NRXN3: variants seen among roughly 807,000 people sequenced by gnomAD.
NRXN3 encodes the protein neurexin III.
NRXN3 carries 32 observed loss-of-function variants against 137.6 expected under a neutral mutation model. The observed-to-expected ratio is 0.23, with a 90% CI of 0.18 to 0.31. NRXN3 has a LOEUF of 0.31. NRXN3 is among the 10% of genes least tolerant of loss of function. NRXN3 has a pLI of 1.00. For synonymous variants in NRXN3, 798 were observed against 784.5 expected (o/e 1.02, Z -0.29); for missense variants, 1,574 against 2,062.5 (o/e 0.76, Z 4.59).
chr14:79,101,498 T>A (rs751994430), intron 15 of NRXN3, among the ~76,000 whole-genome samples: 9 of 152,080 alleles, frequency 5.9e-5, no homozygotes, highest in African/African-American at 1.2e-4. Flanking sequence ...TTTCTGTGGG[T>A]CTTTTGGCTG....
rs573072578 is a variant in NRXN3, at chr14:79,749,964, A to G, written c.4014+52027A>G. Among the ~76,000 whole-genome samples the G allele has an allele frequency of 5.3e-5, 8 of 152,300 alleles. No homozygotes were observed. In the South Asian group the frequency reaches 1.2e-3, roughly 24 times the overall value. ...ACATTGTCTGAGCACACAGAATTCT[A>G]ACTCATGACTTGTGCACTGTCAAGA... On this transcript the variant is annotated intron_variant, in intron 19 of 20. Coordinates refer to ENST00000335750, the MANE Select transcript of NRXN3 (RefSeq NM_001330195.2).
intron 16 of NRXN3, among the ~76,000 whole-genome samples, chr14:79,496,486 T>C (rs1489101656): frequency 2.0e-5 from 3 of 152,110 alleles, no homozygotes; most frequent in African/African-American, 7.2e-5. Flanking sequence ...TAGTCATTCT[T>C]GGTGAATTGG....
intron 4 of NRXN3, among the ~76,000 whole-genome samples, chr14:78,606,315 AT>A (rs113866624): frequency 2.0e-5 from 3 of 152,014 alleles, no homozygotes; most frequent in African/African-American, 7.2e-5. Context: ...CTCATCTGAC[AT>A]TTTTTTTAGT....
intron 5 of NRXN3, among the ~76,000 whole-genome samples, chr14:78,650,955 G>T (rs1255015540): frequency 6.6e-6 from 1 of 152,198 alleles, no homozygotes; most frequent in Non-Finnish European, 1.5e-5. Context: ...TCATCCATGA[G>T]TCTGCAGGGA....
intron 1 of NRXN3, among the ~76,000 whole-genome samples, chr14:78,190,632 T>C (rs2060628572): frequency 1.9e-5 from 2 of 104,140 alleles, no homozygotes; most frequent in Non-Finnish European, 1.9e-5. Flanking sequence ...TATTTATTTA[T>C]TTATTTATTT....
At chr14:78,603,330 G>A (rs1566864650) in intron 4 of NRXN3, among the ~76,000 whole-genome samples, 2 of 152,224 alleles carry the variant, frequency 1.3e-5, no homozygotes, top group East Asian at 3.9e-4. Flanking sequence ...TTTTTCTTGA[G>A]GTTTGCAATC....
At chr14:78,272,044 G>A (rs1460695456) in intron 2 of NRXN3, among the ~76,000 whole-genome samples, 1 of 152,138 alleles carries the variant, frequency 6.6e-6, no homozygotes, top group Non-Finnish European at 1.5e-5. Context: ...TTTCCTGGGG[G>A]CAGGAGTCAA....
chr14:78,323,198 G>C (rs1337419146), intron 4 of NRXN3, among the ~76,000 whole-genome samples: 1 of 152,066 alleles, frequency 6.6e-6, no homozygotes, highest in East Asian at 1.9e-4. Flanking sequence ...CTACGAACAT[G>C]ATAAAAGTAT....
chr14:79,109,836 C>CT (rs2053155466), intron 15 of NRXN3, among the ~76,000 whole-genome samples: 1 of 152,084 alleles, frequency 6.6e-6, no homozygotes, highest in South Asian at 2.1e-4. Context: ...ATTGGCCTAC[C>CT]TTCCCAGTAC....
chr14:78,876,290 A>G (rs2099113667), intron 10 of NRXN3, among the ~76,000 whole-genome samples: 1 of 152,206 alleles, frequency 6.6e-6, no homozygotes, highest in Non-Finnish European at 1.5e-5. Context: ...TGTGCCATGG[A>G]CTTAACTTGA....
intron 1 of NRXN3, among the ~76,000 whole-genome samples, chr14:78,230,775 T>A (rs907227804): frequency 6.6e-6 from 1 of 152,092 alleles, no homozygotes; most frequent in Non-Finnish European, 1.5e-5. Flanking sequence ...GAAAGGTGGC[T>A]GGTGTCAGAC....
intron 10 of NRXN3, among the ~76,000 whole-genome samples, chr14:78,890,539 C>T (rs542159992): frequency 1.3e-5 from 2 of 151,778 alleles, no homozygotes; most frequent in African/African-American, 4.8e-5. Context: ...TATCTTCCTG[C>T]CCACACTGGG....
chr14:79,793,775 A>G (rs2099152785), intron 19 of NRXN3, among the ~76,000 whole-genome samples: 1 of 152,240 alleles, frequency 6.6e-6, no homozygotes, highest in Non-Finnish European at 1.5e-5. Flanking sequence ...TAGCATGAAT[A>G]TTACCATTCG....
At position 78,709,371 on chromosome 14, in the gene NRXN3, G is replaced by A. The variant is rs778432664; in HGVS notation, c.1376G>A (p.Ser459Asn). 1 of 1,614,134 alleles carries A rather than the reference G, an allele frequency of 6.2e-7. No homozygotes were observed. The highest frequency in any genetic ancestry group is 8.5e-7 in the Non-Finnish European group (1 of 1,180,020). ...TTTGAGACCCCAGAGGCTTACATCA[G>A]CTTGCCCAAGTGGAACACTAAACGT... ...INFETPEAYI[S>N]LPKWNTKRMG... is the part of the protein sequence containing the mutation. Residue 459 changes from serine (S) to asparagine (N), a missense_variant, in exon 7 of 21, where the codon AGC becomes AAC. By Grantham distance (46) the Ser-to-Asn change is conservative. Transcript: ENST00000335750.
At chr14:79,207,291 A>G (rs2066921414) in intron 15 of NRXN3, among the ~76,000 whole-genome samples, 1 of 152,220 alleles carries the variant, frequency 6.6e-6, no homozygotes, top group Non-Finnish European at 1.5e-5. Context: ...AATGGATCTC[A>G]GGAATCTGAG....
chr14:78,514,328 A>G (rs915253103), intron 4 of NRXN3, among the ~76,000 whole-genome samples: 1 of 152,176 alleles, frequency 6.6e-6, no homozygotes, highest in African/African-American at 2.4e-5. Context: ...TCTGTGGAAG[A>G]TGTGAGATCT....
chr14:78,243,738 C>T lies in NRXN3; in HGVS notation c.645C>T (p.Leu215=). 1.3e-6 allele frequency: 2 copies of T among 1,598,054 alleles called. No homozygotes were observed. The highest frequency in any genetic ancestry group is 1.7e-4 in the Middle Eastern group (1 of 6,058). ...GTGAAAATGGTGGGATCTGCTTTCT[C>T]CTGGACGGCCACCCCACCTGTGACT... ...RPCENGGICF[L]LDGHPTCDCS... Residue 215 remains leucine (L), a synonymous_variant, in exon 2 of 21, where the codon CTC becomes CTT. Coordinates refer to ENST00000335750, the MANE Select transcript of NRXN3 (RefSeq NM_001330195.2). The surrounding 1 kb of genome is among the most constrained non-coding windows in gnomAD (Gnocchi z 4.2).
chr14:78,336,736 G>C (rs1438014804), intron 4 of NRXN3, among the ~76,000 whole-genome samples: 1 of 152,112 alleles, frequency 6.6e-6, no homozygotes, highest in Non-Finnish European at 1.5e-5. Flanking sequence ...CTCCCAGCAT[G>C]TTCAAAGGGT....
At chr14:79,585,683 T>TAAAA (rs1264605001) in intron 16 of NRXN3, among the ~76,000 whole-genome samples, 3,341 of 75,258 alleles carry the variant, frequency 0.044, 199 homozygotes, top group East Asian at 0.12. Flanking sequence ...GACTCCATCT[T>TAAAA]AAAAAAAAAA....
Sources: allele counts gnomAD v4.1 joint callset (sites outside exome capture counted in the v4.1 genomes callset), GRCh38; gene constraint gnomAD v4.1.1; non-coding constraint Gnocchi (gnomAD v3.1); transcripts MANE v1.5; gene names NCBI Gene and HGNC (gene_info 2026-07-23, HGNC 2026-07-21).